EBF3: variants seen among roughly 807,000 people sequenced by gnomAD.
The protein encoded by EBF3 is transcription factor COE3.
EBF3 carries 18 observed loss-of-function variants against 77.1 expected under a neutral mutation model. The ratio of observed to expected loss-of-function variants is 0.23; its 90% CI spans 0.16 to 0.35. The LOEUF (loss-of-function observed/expected upper bound fraction) is 0.35, where lower values mean the gene tolerates loss of function less well. Ranked by LOEUF, EBF3 falls within the 10% of genes least tolerant of loss-of-function variation. The pLI, the probability that EBF3 is intolerant of heterozygous loss-of-function variation, is 1.00. For missense variants in EBF3, 558 were observed against 860.0 expected (o/e 0.65, Z 4.39); for synonymous variants, 350 against 343.5 (o/e 1.02, Z -0.21).
rs1297586104 is a variant in EBF3, at chr10:129,863,914, G to C, written c.1039+3227C>G. ...AATAGGTTAACCTCCAGCCAGGAAA[G>C]GCTGGGCTGTGGCAAGCATCACCAA... On this transcript the variant is annotated intron_variant, in intron 10 of 16. Coordinates refer to ENST00000440978, the MANE Select transcript of EBF3 (RefSeq NM_001375380.1). The surrounding 1 kb of genome is among the most constrained non-coding windows in gnomAD (Gnocchi z 4.0). Among the ~76,000 whole-genome samples the C allele has an allele frequency of 6.6e-6, 1 of 152,132 alleles. No individual in the cohort carries two copies. The highest frequency in any genetic ancestry group is 1.5e-5 in the Non-Finnish European group (1 of 68,018).
intron 6 of EBF3, among the ~76,000 whole-genome samples, chr10:129,910,039 C>T (rs1338063985): frequency 3.9e-5 from 6 of 152,212 alleles, no homozygotes; most frequent in Non-Finnish European, 7.3e-5. Context: ...CAGTAAGCAA[C>T]GCGTGGAGAG....
intron 4 of EBF3, among the ~76,000 whole-genome samples, chr10:129,960,628 CTTTTTT>C (rs34551386): frequency 8.7e-5 from 10 of 115,230 alleles, no homozygotes; most frequent in Admixed American, 9.0e-5. Flanking sequence ...TATTTCTTTC[CTTTTTT>C]TTTTTTTTTT....
At chr10:129,931,518 T>C (rs1328897536) in intron 6 of EBF3, among the ~76,000 whole-genome samples, 2 of 152,208 alleles carry the variant, frequency 1.3e-5, no homozygotes, top group Non-Finnish European at 2.9e-5. Flanking sequence ...GGCCCTTAAA[T>C]GACATATAGC....
At chr10:129,940,947 G>C (rs988550873) in intron 6 of EBF3, among the ~76,000 whole-genome samples, 1 of 152,128 alleles carries the variant, frequency 6.6e-6, no homozygotes, top group East Asian at 1.9e-4. Flanking sequence ...CCCCAGCCTC[G>C]GACTGCCTGG....
At position 129,867,200 on chromosome 10, in the gene EBF3, G is replaced by A; in HGVS notation, c.980C>T (p.Thr327Ile). The A allele has an allele frequency of 4.3e-6, 7 of 1,614,172 alleles. No individual in the cohort carries two copies. The highest frequency in any genetic ancestry group is 5.9e-6 in the Non-Finnish European group (7 of 1,180,030). The change falls in exon 10 of 17, where the codon ACC (threonine) becomes ATC (isoleucine). Residue 327 changes from threonine to isoleucine, a missense_variant. Physicochemically the swap from Thr to Ile is moderately conservative, Grantham distance 89 (BLOSUM62 -1). Transcript: ENST00000440978. ...PRHIPGVVEV[T>I]LSYKSKQFCK... ...GAACTGCTTGGATTTGTAGGAGAGG[G>A]TCACTTCGACGACGCCAGGAATGTG...
chr10:129,917,679 A>AAAAAAAAAAAAAAAAAAAAAAAAC (rs1564887155), intron 6 of EBF3, among the ~76,000 whole-genome samples: 3 of 141,982 alleles, frequency 2.1e-5, no homozygotes, highest in Non-Finnish European at 3.1e-5. Context: ...AAAAAAAAAA[A>AAAAAAAAAAAAAAAAAAAAAAAAC]CTAAAACCAA....
Position 129,848,572 on chromosome 10 carries a change from C to T in EBF3, c.1040-92G>A. 1.5e-6 allele frequency: 2 copies of T among 1,351,198 alleles called. No individual in the cohort carries two copies. The highest frequency in any genetic ancestry group is 1.2e-5 in the South Asian group (1 of 85,390). 83.7% of individuals were successfully genotyped at this position (1,351,198 alleles called of 1,614,324 possible). ...CACACTTACAAATAAATGTGTAGTT[C>T]TCCTGCTCTGATGCTCTCTAAGGCA... On this transcript the variant is annotated intron_variant, in intron 10 of 16. Transcript: ENST00000440978. The surrounding 1 kb of genome is among the most constrained non-coding windows in gnomAD (Gnocchi z 4.4).
chr10:129,910,687 C>G (rs1208389258), intron 6 of EBF3, among the ~76,000 whole-genome samples: 2 of 152,100 alleles, frequency 1.3e-5, no homozygotes, highest in African/African-American at 2.4e-5. Flanking sequence ...CCCCCAGAGC[C>G]CCAGGTATAG....
At chr10:129,945,323 C>G (rs1858121676) in intron 6 of EBF3, among the ~76,000 whole-genome samples, 1 of 152,134 alleles carries the variant, frequency 6.6e-6, no homozygotes, top group Admixed American at 6.5e-5. Flanking sequence ...TTCAGATAAC[C>G]ATCCCTCGAA....
Position 129,873,443 on chromosome 10 carries a change from T to A in EBF3, c.781+9A>T, listed in dbSNP as rs761175161. On this transcript the variant is annotated intron_variant, in intron 8 of 16. Transcript: ENST00000440978. ...CGCAAATAAAAAAAGACATGTAACA[T>A]GTGCCTACCATTTTCCAGATAAGAA... The A allele has an allele frequency of 1.4e-5, 21 of 1,517,824 alleles. No homozygotes were observed. The highest frequency in any genetic ancestry group is 1.9e-5 in the Non-Finnish European group (21 of 1,130,376). 94.0% of individuals were successfully genotyped at this position (1,517,824 alleles called of 1,614,324 possible).
Position 129,963,248 on chromosome 10 carries a change from G to C in EBF3, c.291+119C>G. 2.1e-6 allele frequency: 3 copies of C among 1,397,036 alleles called. No homozygotes were observed. Among genetic ancestry groups the C allele is most frequent in the South Asian group, 1.5e-5 (1 of 68,210 alleles). 86.5% of individuals were successfully genotyped at this position (1,397,036 alleles called of 1,614,324 possible). ...CCGGGCGGCCGCACGTGGCGGCGGC[G>C]GGGTGGCCTGGCGGAGCCGAGCCCG... On this transcript the variant is annotated intron_variant, in intron 2 of 16. Coordinates refer to ENST00000440978, the MANE Select transcript of EBF3 (RefSeq NM_001375380.1). This position sits in a 1 kb window ranked among gnomAD's most constrained non-coding sequence, Gnocchi z 7.1.
intron 6 of EBF3, among the ~76,000 whole-genome samples, chr10:129,883,688 A>G (rs12256117): frequency 0.015 from 2,260 of 146,290 alleles, 62 homozygotes; most frequent in African/African-American, 0.053. Flanking sequence ...ACAAGGAAAA[A>G]TGAGTACTGA....
chr10:129,837,897 G>A lies in EBF3; in HGVS notation c.*46C>T. ...TGTCCCCTGAAGTCCGTCCTTTGATGCTGGGTGCTGCGGAAGGTAAACAGA... is the reference window on the plus strand; with the variant it reads ...TGTCCCCTGAAGTCCGTCCTTTGATACTGGGTGCTGCGGAAGGTAAACAGA... On this transcript the variant is annotated 3_prime_UTR_variant, in exon 17 of 17. Coordinates refer to ENST00000440978, the MANE Select transcript of EBF3 (RefSeq NM_001375380.1). 6.2e-7 allele frequency: 1 copy of A among 1,614,116 alleles called. No homozygotes were observed. Among genetic ancestry groups the A allele is most frequent in the Non-Finnish European group, 8.5e-7 (1 of 1,179,956 alleles).
chr10:129,948,873 T>A (rs531139556), intron 6 of EBF3, among the ~76,000 whole-genome samples: 1 of 152,172 alleles, frequency 6.6e-6, no homozygotes, highest in Non-Finnish European at 1.5e-5. Context: ...TCCTCCTGAC[T>A]ATGGGATGTC....
chr10:129,922,873 G>T (rs2134367507), intron 6 of EBF3, among the ~76,000 whole-genome samples: 1 of 152,304 alleles, frequency 6.6e-6, no homozygotes, highest in Non-Finnish European at 1.5e-5. Context: ...CCAGAGGCAT[G>T]GAAGGAGGGT....
At chr10:129,932,157 C>A (rs1259475576) in intron 6 of EBF3, among the ~76,000 whole-genome samples, 2 of 152,252 alleles carry the variant, frequency 1.3e-5, no homozygotes. Context: ...GCACCCCCTC[C>A]ACACCTGGAA....
intron 6 of EBF3, among the ~76,000 whole-genome samples, chr10:129,912,457 CTT>C (rs1223727576): frequency 2.6e-5 from 4 of 152,158 alleles, no homozygotes; most frequent in East Asian, 1.9e-4. Context: ...AAACAGATCT[CTT>C]GTCTACAAAG....
chr10:129,945,740 C>A (rs1316494790), intron 6 of EBF3, among the ~76,000 whole-genome samples: 1 of 152,198 alleles, frequency 6.6e-6, no homozygotes, highest in Non-Finnish European at 1.5e-5. Context: ...GATCAGAACA[C>A]TCATATTTCC....
At chr10:129,941,634 A>G (rs1857746920) in intron 6 of EBF3, among the ~76,000 whole-genome samples, 1 of 152,220 alleles carries the variant, frequency 6.6e-6, no homozygotes, top group African/African-American at 2.4e-5. Context: ...GTGAGCAGGC[A>G]GAGGTGGCAG....
Sources: gnomAD v4.1 joint callset for allele counts (sites outside exome capture counted in the v4.1 genomes callset) on GRCh38, gnomAD v4.1.1 for gene constraint, Gnocchi (gnomAD v3.1) non-coding constraint, MANE v1.5 for transcripts, NCBI Gene and HGNC (gene_info 2026-07-23, HGNC 2026-07-21) for gene names.